BAZ2B: variants seen among roughly 807,000 people sequenced by gnomAD.
BAZ2B encodes bromodomain adjacent to zinc finger domain 2B, also known as bromodomain adjacent to zinc finger domain protein 2B.
A neutral mutation model predicts 246.0 loss-of-function variants in BAZ2B; 91 were observed. That is an observed-to-expected ratio of 0.37 (90% CI 0.31 to 0.44). The LOEUF is 0.44. Ranked by LOEUF, BAZ2B falls within the 20% of genes least tolerant of loss-of-function variation. BAZ2B has a pLI of 1.00. For missense variants in BAZ2B, 2,332 were observed against 2,533.7 expected (o/e 0.92, Z 1.71); for synonymous variants, 855 against 860.0 (o/e 0.99, Z 0.10).
chr2:159,515,917 A>G (rs765152611), intron 2 of BAZ2B, among the ~76,000 whole-genome samples: 69 of 152,206 alleles, frequency 4.5e-4, no homozygotes, highest in Admixed American at 9.2e-4. Flanking sequence ...AAGTCTCTGA[A>G]AAAAATAATC....
the BAZ2B span, among the ~76,000 whole-genome samples, chr2:159,692,601 A>G: frequency 6.6e-6 from 1 of 152,182 alleles, no homozygotes; most frequent in Non-Finnish European, 1.5e-5. Context: ...CTGTAATCGC[A>G]GTTACTCAGG....
intron 1 of BAZ2B, among the ~76,000 whole-genome samples, chr2:159,565,062 G>C (rs1047180260): frequency 6.6e-6 from 1 of 151,976 alleles, no homozygotes; most frequent in Non-Finnish European, 1.5e-5. Flanking sequence ...GTAGAGACAG[G>C]GTTTCACCAT....
the BAZ2B span, among the ~76,000 whole-genome samples, chr2:159,698,523 A>AC: frequency 6.9e-6 from 1 of 145,806 alleles, no homozygotes; most frequent in Non-Finnish European, 1.5e-5. Flanking sequence ...CACAAAAAAA[A>AC]AAAAACAAAA....
chr2:159,352,782 G>A (rs900294356), intron 27 of BAZ2B, among the ~76,000 whole-genome samples: 12 of 152,102 alleles, frequency 7.9e-5, no homozygotes, highest in Non-Finnish European at 1.5e-4. Context: ...CACTGTGCCC[G>A]GTCAATGTCT....
At chr2:159,338,535 T>C (rs903240056) in intron 31 of BAZ2B, among the ~76,000 whole-genome samples, 6 of 152,202 alleles carry the variant, frequency 3.9e-5, no homozygotes, top group African/African-American at 1.2e-4. Context: ...TACATGTATG[T>C]TGACTGAACA....
chr2:159,561,746 T>A (rs1008407426), intron 1 of BAZ2B, among the ~76,000 whole-genome samples: 4 of 152,260 alleles, frequency 2.6e-5, no homozygotes, highest in Non-Finnish European at 5.9e-5. Flanking sequence ...CTCCATTTTT[T>A]ATAACTGGAA....
At chr2:159,459,361 T>C (rs1227621836) in intron 3 of BAZ2B, 1 of 152,222 alleles carries the variant, frequency 6.6e-6, no homozygotes, top group East Asian at 1.9e-4. Flanking sequence ...TTTAAAAGGC[T>C]AGAATAACCG....
At chr2:159,601,689 C>T (rs1692188454) in intron 1 of BAZ2B, among the ~76,000 whole-genome samples, 1 of 152,094 alleles carries the variant, frequency 6.6e-6, no homozygotes, top group Admixed American at 6.5e-5. Flanking sequence ...CCATTGTACT[C>T]CAGCCTGGGC....
chr2:159,410,627 C>G (rs1412864187), intron 14 of BAZ2B, among the ~76,000 whole-genome samples: 1 of 152,124 alleles, frequency 6.6e-6, no homozygotes, highest in Non-Finnish European at 1.5e-5. Flanking sequence ...ATTACCCAGT[C>G]TCGGGTCATA....
chr2:159,581,352 C>A (rs1366277577), intron 1 of BAZ2B, among the ~76,000 whole-genome samples: 3 of 152,150 alleles, frequency 2.0e-5, no homozygotes, highest in Admixed American at 6.5e-5. Context: ...CAGAGAAATG[C>A]AAATCAAAAC....
intron 2 of BAZ2B, among the ~76,000 whole-genome samples, chr2:159,508,771 A>G (rs369614953): frequency 6.6e-6 from 1 of 152,168 alleles, no homozygotes; most frequent in African/African-American, 2.4e-5. Flanking sequence ...TTACTCTCCG[A>G]TGTCCTAAAT....
At chr2:159,662,611 G>A in the BAZ2B span, among the ~76,000 whole-genome samples, 2 of 152,132 alleles carry the variant, frequency 1.3e-5, no homozygotes, top group Non-Finnish European at 2.9e-5. Flanking sequence ...TGCAATCTCT[G>A]CTTCCCGGGC....
intron 1 of BAZ2B, among the ~76,000 whole-genome samples, chr2:159,614,967 A>T (rs1424421455): frequency 6.6e-6 from 1 of 152,200 alleles, no homozygotes; most frequent in East Asian, 1.9e-4. Flanking sequence ...AAAATAAAAA[A>T]GAGAGAGACT....
intron 1 of BAZ2B, among the ~76,000 whole-genome samples, chr2:159,587,127 G>A (rs2151671532): frequency 6.6e-6 from 1 of 150,804 alleles, no homozygotes; most frequent in African/African-American, 2.4e-5. Flanking sequence ...AGCCCAGGCT[G>A]GAGTGCAGTG....
intron 1 of BAZ2B, among the ~76,000 whole-genome samples, chr2:159,585,575 C>T (rs1687847060): frequency 1.3e-5 from 2 of 152,202 alleles, no homozygotes; most frequent in South Asian, 2.1e-4. Flanking sequence ...TGTTGCTGTA[C>T]ATTTTGCAAA....
chr2:159,473,387 T>G (rs1275119942), intron 3 of BAZ2B, among the ~76,000 whole-genome samples: 3 of 152,212 alleles, frequency 2.0e-5, no homozygotes, highest in Non-Finnish European at 2.9e-5. Flanking sequence ...TGATGGTAGT[T>G]TGTATTTCTG....
chr2:159,437,100 A>T (rs891983063), intron 8 of BAZ2B, among the ~76,000 whole-genome samples: 8 of 152,218 alleles, frequency 5.3e-5, no homozygotes, highest in Non-Finnish European at 8.8e-5. Context: ...TCAGCAATTA[A>T]AACAATGGCT....
the BAZ2B span, among the ~76,000 whole-genome samples, chr2:159,626,182 G>T: frequency 6.6e-6 from 1 of 152,060 alleles, no homozygotes; most frequent in Non-Finnish European, 1.5e-5. Flanking sequence ...CATAAAGCAA[G>T]TTCTTAGAGA....
At chr2:159,438,233 T>A (rs754399312) in intron 8 of BAZ2B, 70 bp downstream of exon 8, 1 of 1,359,176 alleles carries the variant, frequency 7.4e-7, no homozygotes, top group Non-Finnish European at 1.0e-6. Flanking sequence ...AACTTGTGTA[T>A]TGTAAGACAA....
Sources: allele counts gnomAD v4.1 joint callset (sites outside exome capture counted in the v4.1 genomes callset), GRCh38; gene constraint gnomAD v4.1.1; transcripts MANE v1.5; gene names NCBI Gene and HGNC (gene_info 2026-07-23, HGNC 2026-07-21).